CTNNA2: variants seen among roughly 807,000 people sequenced by gnomAD.
CTNNA2 encodes the protein catenin alpha-2.
CTNNA2 carries 42 observed loss-of-function variants against 101.0 expected under a neutral mutation model. The ratio of observed to expected loss-of-function variants is 0.42; its 90% CI spans 0.32 to 0.54. The LOEUF is 0.54. Ranked by LOEUF, CTNNA2 falls within the 20% of genes least tolerant of loss-of-function variation. The pLI, the probability that CTNNA2 is intolerant of heterozygous loss-of-function variation, is 0.14. For missense variants in CTNNA2, 871 were observed against 1,223.1 expected, an observed-to-expected ratio of 0.71 and a Z score of 4.29; for synonymous variants, 450 against 456.4, an observed-to-expected ratio of 0.99 and a Z score of 0.18.
At chr2:79,872,546 T>G (rs1474449736) in intron 5 of CTNNA2, among the ~76,000 whole-genome samples, 1 of 152,204 alleles carries the variant, frequency 6.6e-6, no homozygotes, top group Non-Finnish European at 1.5e-5. Flanking sequence ...TTATCCATTT[T>G]CATCTCTGGG....
intron 7 of CTNNA2, among the ~76,000 whole-genome samples, chr2:80,058,985 T>A (rs907793282): frequency 6.6e-6 from 1 of 152,232 alleles, no homozygotes; most frequent in African/African-American, 2.4e-5. Context: ...CTAATTGACA[T>A]AATACCAGTC....
intron 7 of CTNNA2, among the ~76,000 whole-genome samples, chr2:80,015,804 T>C (rs1694102563): frequency 6.6e-6 from 1 of 152,250 alleles, no homozygotes; most frequent in South Asian, 2.1e-4. Context: ...AGTGGAAATA[T>C]GTATTCAATT....
chr2:79,469,077 A>G (rs891306012), intron 4 of CTNNA2, among the ~76,000 whole-genome samples: 1 of 152,168 alleles, frequency 6.6e-6, no homozygotes, highest in African/African-American at 2.4e-5. Context: ...TTCAAAAATC[A>G]ATGAATCCAG....
At chr2:80,453,516 A>T (rs977501255) in intron 9 of CTNNA2, among the ~76,000 whole-genome samples, 3 of 152,102 alleles carry the variant, frequency 2.0e-5, no homozygotes, top group African/African-American at 4.8e-5. Context: ...TGATTTCTCC[A>T]TGTGTGTGAT....
chr2:79,669,968 A>AC, intron 2 of CTNNA2, among the ~76,000 whole-genome samples: 1 of 151,958 alleles, frequency 6.6e-6, no homozygotes, highest in Non-Finnish European at 1.5e-5. Context: ...CTTACTGGGG[A>AC]CCCCAACCCC....
intron 7 of CTNNA2, among the ~76,000 whole-genome samples, chr2:79,962,402 C>T (rs1689705329): frequency 2.0e-5 from 3 of 152,228 alleles, no homozygotes; most frequent in Admixed American, 6.5e-5. Context: ...CCTCTTAATA[C>T]TGTCACACTG....
intron 7 of CTNNA2, among the ~76,000 whole-genome samples, chr2:80,372,620 C>T (rs1303059654): frequency 1.3e-5 from 2 of 151,404 alleles, no homozygotes; most frequent in African/African-American, 4.9e-5. Flanking sequence ...GTGTTTGACA[C>T]ACAGTAGACA....
intron 4 of CTNNA2, among the ~76,000 whole-genome samples, chr2:79,441,404 T>C (rs1678776494): frequency 6.6e-6 from 1 of 152,148 alleles, no homozygotes; most frequent in Non-Finnish European, 1.5e-5. Context: ...ATATCTGAAC[T>C]CCTAATTGCC....
chr2:79,914,023 C>T (rs1056814492), intron 7 of CTNNA2, among the ~76,000 whole-genome samples: 14 of 151,404 alleles, frequency 9.2e-5, no homozygotes, highest in African/African-American at 2.2e-4. Flanking sequence ...AAAAATTAGC[C>T]GGGCGTAGTG....
intron 7 of CTNNA2, among the ~76,000 whole-genome samples, chr2:80,346,259 A>T (rs1289218188): frequency 1.3e-5 from 2 of 152,220 alleles, no homozygotes; most frequent in Non-Finnish European, 2.9e-5. Flanking sequence ...ATGGTTCTGC[A>T]GGCTGTACAG....
chr2:79,846,793 A>G (rs1448686392), intron 3 of CTNNA2, among the ~76,000 whole-genome samples: 4 of 151,602 alleles, frequency 2.6e-5, no homozygotes, highest in African/African-American at 7.2e-5. Context: ...ATGAGCTCAC[A>G]GTTAATGTCT....
At chr2:79,375,668 AC>A (rs1168519556) in intron 4 of CTNNA2, among the ~76,000 whole-genome samples, 5 of 152,220 alleles carry the variant, frequency 3.3e-5, no homozygotes, top group African/African-American at 4.8e-5. Flanking sequence ...TGTTTAAGGT[AC>A]TACAGTGACA....
At chr2:80,023,252 C>T (rs1319484955) in intron 7 of CTNNA2, among the ~76,000 whole-genome samples, 5 of 152,120 alleles carry the variant, frequency 3.3e-5, no homozygotes, top group Non-Finnish European at 5.9e-5. Context: ...TTCTAATATT[C>T]TGAGTGAGCA....
At chr2:80,344,693 C>T (rs1433249124) in intron 7 of CTNNA2, among the ~76,000 whole-genome samples, 1 of 152,128 alleles carries the variant, frequency 6.6e-6, no homozygotes, top group Admixed American at 6.5e-5. Context: ...TCCATGTTGC[C>T]CAGGCTGGTC....
chr2:80,495,824 C>T (rs555609340), intron 9 of CTNNA2, among the ~76,000 whole-genome samples: 10 of 151,588 alleles, frequency 6.6e-5, no homozygotes, highest in Non-Finnish European at 1.0e-4. Context: ...CCTGTAATCC[C>T]GGCTACTTGG....
chr2:79,596,841 T>G (rs1677221587), intron 1 of CTNNA2, among the ~76,000 whole-genome samples: 1 of 152,228 alleles, frequency 6.6e-6, no homozygotes, highest in Non-Finnish European at 1.5e-5. Context: ...AACCTTCCAG[T>G]GCTCTGCTAT....
intron 7 of CTNNA2, among the ~76,000 whole-genome samples, chr2:80,392,408 T>C (rs887168952): frequency 6.6e-6 from 1 of 152,200 alleles, no homozygotes; most frequent in Admixed American, 6.5e-5. Flanking sequence ...TCCATAAAGT[T>C]TATAGAGCTT....
At chr2:80,154,889 G>A (rs1350077025) in intron 7 of CTNNA2, among the ~76,000 whole-genome samples, 1 of 152,024 alleles carries the variant, frequency 6.6e-6, no homozygotes, top group Non-Finnish European at 1.5e-5. Flanking sequence ...TATAACTATA[G>A]ATATTTACTG....
chr2:79,861,407 C>T (rs1241122058), intron 4 of CTNNA2, among the ~76,000 whole-genome samples: 1 of 152,052 alleles, frequency 6.6e-6, no homozygotes, highest in African/African-American at 2.4e-5. Context: ...AGCAGTTCGC[C>T]AGGTTGATGA....
Sources: allele counts gnomAD v4.1 joint callset (sites outside exome capture counted in the v4.1 genomes callset), GRCh38; gene constraint gnomAD v4.1.1; transcripts MANE v1.5; gene names NCBI Gene and HGNC (gene_info 2026-07-23, HGNC 2026-07-21).